The following UBE2J1 variants were observed in gnomAD, a reference collection of about 807,000 sequenced individuals.
UBE2J1 encodes the protein ubiquitin-conjugating enzyme E2 J1.
Under a neutral mutation model 42.1 loss-of-function variants are expected in UBE2J1, and 17 were observed. That is an observed-to-expected ratio of 0.40 (90% CI 0.28 to 0.61). The LOEUF (loss-of-function observed/expected upper bound fraction) is 0.61. UBE2J1 is among the 20% of genes least tolerant of loss of function. The probability of loss-of-function intolerance (pLI) is 0.38; values close to 1 mark genes in which losing one functional copy is unlikely to be tolerated. For synonymous variants in UBE2J1, 127 were observed against 137.2 expected (o/e 0.93, Z 0.52); for missense variants, 291 against 389.4 (o/e 0.75, Z 2.13).
Position 89,352,679 on chromosome 6 carries a change from C to G in UBE2J1, c.-110G>C, listed in dbSNP as rs2127877235. The G allele has an allele frequency of 3.1e-6, 4 of 1,285,048 alleles. No homozygotes were observed. The highest frequency in any genetic ancestry group is 3.1e-5 in the South Asian group (2 of 63,502). 79.6% of individuals were successfully genotyped at this position (1,285,048 alleles called of 1,614,324 possible). ...GGGCGGACGGGGCCTGGCCGAGGAG[C>G]CTCGGCAAATGCCGCCCAGTCCAGC... is the stretch of plus-strand genomic sequence containing the variant. On this transcript the variant is annotated 5_prime_UTR_variant, in exon 1 of 8. Coordinates refer to ENST00000435041, the MANE Select transcript of UBE2J1 (RefSeq NM_016021.3).
chr6:89,342,023 CT>C (rs761095659), intron 3 of UBE2J1, among the ~76,000 whole-genome samples: 1 of 152,112 alleles, frequency 6.6e-6, no homozygotes, highest in Non-Finnish European at 1.5e-5. Flanking sequence ...ATTAGCTACC[CT>C]TTAGTGAGTA....
intron 3 of UBE2J1, 125 bp downstream of exon 3, chr6:89,342,199 G>T: frequency 2.0e-6 from 2 of 995,054 alleles, no homozygotes; most frequent in Non-Finnish European, 2.9e-6. Context: ...TAGTCCCAGG[G>T]CCTGGACCCC....
intron 1 of UBE2J1, 22 bp downstream of exon 1, chr6:89,352,517 C>CT (rs1562428431): frequency 6.4e-7 from 1 of 1,564,318 alleles, no homozygotes. Context: ...CCTCCTCGCC[C>CT]AGGGGCCCCA....
intron 1 of UBE2J1, among the ~76,000 whole-genome samples, chr6:89,351,310 G>A (rs1487966033): frequency 1.3e-5 from 2 of 151,730 alleles, no homozygotes; most frequent in African/African-American, 4.8e-5. Flanking sequence ...TCCACCTCCT[G>A]GGCTCAAGCC....
intron 1 of UBE2J1, among the ~76,000 whole-genome samples, chr6:89,346,164 A>G (rs1242244847): frequency 2.0e-5 from 3 of 152,076 alleles, no homozygotes; most frequent in African/African-American, 7.2e-5. Context: ...GGCGGGAATC[A>G]GCATGCCTGG....
Position 89,327,540 on chromosome 6 carries a change from A to AG in UBE2J1, c.*2138dup, listed in dbSNP as rs1469618438. The stretch of plus-strand genomic sequence containing the variant: ...GGAAGAAGAAAATGGTGCCCCTTTC[A>AG]GATGGTGCTTCAGGTGCTAAAAAAT... On this transcript the variant is annotated 3_prime_UTR_variant, in exon 8 of 8. Transcript: ENST00000435041. The AG allele has an allele frequency of 1.3e-5, 2 of 152,186 alleles. No homozygotes were observed. Among genetic ancestry groups the AG allele is most frequent in the Non-Finnish European group, 2.9e-5 (2 of 68,030 alleles). 9.4% of individuals were successfully genotyped at this position (152,186 alleles called of 1,614,324 possible). A position where few individuals can be genotyped will look rare whatever the true frequency, so the allele number is the denominator to read the frequency against.
intron 3 of UBE2J1, among the ~76,000 whole-genome samples, chr6:89,338,762 T>A (rs944428572): frequency 6.9e-6 from 1 of 145,792 alleles, no homozygotes; most frequent in Non-Finnish European, 1.5e-5. Context: ...ACCTCCCGGG[T>A]TCACGCCATT....
At chr6:89,334,373 A>G (rs1277063280) in intron 6 of UBE2J1, among the ~76,000 whole-genome samples, 1 of 152,112 alleles carries the variant, frequency 6.6e-6, no homozygotes, top group African/African-American at 2.4e-5. Flanking sequence ...TTCGGGTAAA[A>G]CATATACAGA....
At position 89,329,883 on chromosome 6, in the gene UBE2J1, G is replaced by A. The variant is rs1167899730; in HGVS notation, c.753C>T (p.Ser251=). 6 of 1,614,094 alleles carry A rather than the reference G, an allele frequency of 3.7e-6. No homozygotes were observed. In the South Asian group the frequency reaches 6.6e-5, roughly 18 times the overall value. ...GCTGCTGGGCCCGGCGCTGTCGAGG[G>A]CTCATGGAGGTATTCTTAGCTACAG... ...TQPVAKNTSM[S]PRQRRAQQQS... The change falls in exon 8 of 8, where the codon AGC becomes AGT. Residue 251 remains serine, a synonymous_variant. Transcript: ENST00000435041.
At chr6:89,346,940 G>T (rs1190711935) in intron 1 of UBE2J1, among the ~76,000 whole-genome samples, 3 of 152,156 alleles carry the variant, frequency 2.0e-5, no homozygotes, top group Non-Finnish European at 4.4e-5. Flanking sequence ...TTAGCACATG[G>T]TAAGTACTCA....
intron 1 of UBE2J1, 147 bp downstream of exon 1, chr6:89,352,392 T>G (rs1768502737): frequency 1.1e-6 from 1 of 923,696 alleles, no homozygotes; most frequent in Admixed American, 3.2e-5. Context: ...CGGCCTGTAC[T>G]TCCCGGGCAG....
intron 5 of UBE2J1, among the ~76,000 whole-genome samples, chr6:89,337,470 C>G (rs1768132265): frequency 6.6e-6 from 1 of 151,960 alleles, no homozygotes; most frequent in Non-Finnish European, 1.5e-5. Context: ...ACTGATTTAG[C>G]AAATATCTGT....
In UBE2J1 at chr6:89,335,509, G is replaced by A. The variant is rs372625221; in HGVS notation, c.429-78C>T. On this transcript the variant is annotated intron_variant, in intron 5 of 7. Coordinates refer to ENST00000435041, the MANE Select transcript of UBE2J1 (RefSeq NM_016021.3). ...CTCTCACTGAGACACTCAAATGCTCGATCATTAAACTTAAAAGAAAGGAAC... is the reference window on the plus strand; with the variant it reads ...CTCTCACTGAGACACTCAAATGCTCAATCATTAAACTTAAAAGAAAGGAAC... 23 of 1,092,932 alleles carry A rather than the reference G, an allele frequency of 2.1e-5. No individual in the cohort carries two copies. In the Middle Eastern group the frequency reaches 1.9e-3, roughly 91 times the overall value. The allele number at this position is 1,092,932 out of a possible 1,614,324, so 67.7% of individuals were successfully genotyped here. A position where few individuals can be genotyped will look rare whatever the true frequency, so the allele number is the denominator to read the frequency against.
At chr6:89,347,097 A>C (rs1474730322) in intron 1 of UBE2J1, among the ~76,000 whole-genome samples, 1 of 152,202 alleles carries the variant, frequency 6.6e-6, no homozygotes, top group South Asian at 2.1e-4. Context: ...CTTAATGAGA[A>C]CCCCAACAGG....
chr6:89,348,077 C>T (rs889844650), intron 1 of UBE2J1, among the ~76,000 whole-genome samples: 1 of 152,200 alleles, frequency 6.6e-6, no homozygotes, highest in Non-Finnish European at 1.5e-5. Context: ...GGCAACCGGG[C>T]TACAGCATAG....
In UBE2J1 at chr6:89,327,742, A is replaced by G. The variant is rs1367785717; in HGVS notation, c.*1937T>C. 2 of 152,212 alleles carry G rather than the reference A, an allele frequency of 1.3e-5. No homozygotes were observed. Among genetic ancestry groups the G allele is most frequent in the East Asian group, 3.8e-4 (2 of 5,204 alleles). The allele number at this position is 152,212 out of a possible 1,614,324, so 9.4% of individuals were successfully genotyped here. ...CCATGGAAACATGCAATAAGATCACATCGATCCAGAGGCTGGCTCAAGTTT... is the reference window on the plus strand; with the variant it reads ...CCATGGAAACATGCAATAAGATCACGTCGATCCAGAGGCTGGCTCAAGTTT... On this transcript the variant is annotated 3_prime_UTR_variant, in exon 8 of 8. Coordinates refer to ENST00000435041, the MANE Select transcript of UBE2J1 (RefSeq NM_016021.3).
intron 1 of UBE2J1, among the ~76,000 whole-genome samples, chr6:89,346,247 C>T (rs1011620025): frequency 1.3e-5 from 2 of 152,036 alleles, no homozygotes; most frequent in African/African-American, 4.8e-5. Context: ...TGAACTAAGC[C>T]CCTATATGCA....
At chr6:89,333,235 TGACAACAGGA>T (rs1191633670) in intron 6 of UBE2J1, 30 bp from the exon 7 acceptor site, 1 of 1,587,144 alleles carries the variant, frequency 6.3e-7, no homozygotes, top group Non-Finnish European at 8.5e-7. Context: ...AAGAGCAGTG[TGACAACAGGA>T]AACAACAGGA....
At chr6:89,346,644 C>T (rs1768370100) in intron 1 of UBE2J1, among the ~76,000 whole-genome samples, 1 of 151,890 alleles carries the variant, frequency 6.6e-6, no homozygotes, top group Admixed American at 6.6e-5. Flanking sequence ...TTGCCCCCTG[C>T]CCCCCACCCC....
Sources: allele counts gnomAD v4.1 joint callset (sites outside exome capture counted in the v4.1 genomes callset), GRCh38; gene constraint gnomAD v4.1.1; transcripts MANE v1.5; gene names NCBI Gene and HGNC (gene_info 2026-07-23, HGNC 2026-07-21).